GAB1: variants seen among roughly 807,000 people sequenced by gnomAD.
GAB1 encodes the protein GRB2-associated-binding protein 1.
In GAB1, 19 loss-of-function variants were observed where a neutral mutation model predicts 66.5. That is an observed-to-expected ratio of 0.29 (90% CI 0.20 to 0.42). The LOEUF (loss-of-function observed/expected upper bound fraction) is 0.42. Among genes scored for constraint, GAB1 ranks in the 10% least tolerant of loss-of-function variants. The pLI is 1.00. For synonymous variants in GAB1, 294 were observed against 301.4 expected (o/e 0.98, Z 0.25); for missense variants, 732 against 858.5 (o/e 0.85, Z 1.84).
intron 1 of GAB1, among the ~76,000 whole-genome samples, chr4:143,411,790 A>G (rs1732405957): frequency 1.3e-5 from 2 of 152,210 alleles, no homozygotes. Context: ...TGTGCTTTGT[A>G]CCATAATCCA....
rs886180278 is a variant in GAB1 at position 143,439,641 on chromosome 4, G to A, written c.1196-161G>A. ...TCTGCATTTTCTAGTGGTTTAATAT[G>A]CCAATTCAAGACACAGTTCTATGAG... is the stretch of plus-strand genomic sequence containing the variant. On this transcript the variant is annotated intron_variant, in intron 4 of 9. Transcript: ENST00000262994. 9 of 584,150 alleles carry A rather than the reference G, an allele frequency of 1.5e-5. No individual in the cohort carries two copies. The African/African-American group carries it at 1.7e-4, about 11-fold the overall frequency. The allele number at this position is 584,150 out of a possible 1,614,324, so 36.2% of individuals were successfully genotyped here. A position where few individuals can be genotyped will look rare whatever the true frequency, so the allele number is the denominator to read the frequency against.
chr4:143,424,260 A>G (rs910772944), intron 2 of GAB1, among the ~76,000 whole-genome samples: 12 of 152,258 alleles, frequency 7.9e-5, no homozygotes, highest in African/African-American at 2.6e-4. Context: ...ATTCCATTTT[A>G]CCATGCCTGT....
chr4:143,444,683 T>G lies in GAB1; in HGVS notation c.1585+4301T>G, dbSNP rs201803463. ...GTTACCTGTGTATATTGTGCGATGC[T>G]GAGATTTAGGGTATGAATGATCCTG... On this transcript the variant is annotated intron_variant, in intron 6 of 9. Coordinates refer to ENST00000262994, the MANE Select transcript of GAB1 (RefSeq NM_002039.4). Among the ~76,000 whole-genome samples, 9 of 152,290 alleles carry G rather than the reference T, an allele frequency of 5.9e-5. No homozygotes were observed. The East Asian group carries it at 1.7e-3, about 29-fold the overall frequency.
chr4:143,428,360 C>T (rs1271486259), intron 2 of GAB1, among the ~76,000 whole-genome samples: 2 of 152,138 alleles, frequency 1.3e-5, no homozygotes, highest in South Asian at 4.1e-4. Context: ...TTGAGTCCTC[C>T]TCCAACAAGG....
At position 143,459,278 on chromosome 4, in the gene GAB1, T is replaced by C. The variant is rs55735891; in HGVS notation, c.1586-107T>C. 1.1e-3 allele frequency: 788 copies of C among 715,448 alleles called. 2 individuals carry two copies. Among genetic ancestry groups the C allele is most frequent in the Non-Finnish European group, 1.6e-3 (658 of 407,256 alleles). The allele number at this position is 715,448 out of a possible 1,614,324, so 44.3% of individuals were successfully genotyped here. ...TTTCACATGTGAAACTAGGTGGTCT[T>C]AGGTTTACTCTGGCTATCAAATATA... On this transcript the variant is annotated intron_variant, in intron 6 of 9. Coordinates refer to ENST00000262994, the MANE Select transcript of GAB1 (RefSeq NM_002039.4).
At chr4:143,388,989 A>G (rs945761609) in intron 1 of GAB1, among the ~76,000 whole-genome samples, 2 of 152,104 alleles carry the variant, frequency 1.3e-5, no homozygotes, top group African/African-American at 4.8e-5. Flanking sequence ...CCTGCAGGAA[A>G]ACTGCCCAGT....
chr4:143,441,512 G>A (rs1734228449), intron 6 of GAB1, among the ~76,000 whole-genome samples: 1 of 151,962 alleles, frequency 6.6e-6, no homozygotes. Context: ...TAAGAAAAAA[G>A]ATTTGGTTTT....
intron 1 of GAB1, among the ~76,000 whole-genome samples, chr4:143,379,206 A>G (rs1730554260): frequency 6.6e-6 from 1 of 152,238 alleles, no homozygotes; most frequent in Non-Finnish European, 1.5e-5. Context: ...AAAAGGGTTT[A>G]TTAAAGTATT....
At chr4:143,436,102 T>C (rs1163008250) in intron 3 of GAB1, among the ~76,000 whole-genome samples, 1 of 152,198 alleles carries the variant, frequency 6.6e-6, no homozygotes, top group Non-Finnish European at 1.5e-5. Context: ...GCATTAGAAA[T>C]TCCACAAAGG....
intron 1 of GAB1, among the ~76,000 whole-genome samples, chr4:143,353,850 T>C (rs1394754175): frequency 1.3e-5 from 2 of 152,216 alleles, no homozygotes; most frequent in African/African-American, 4.8e-5. Flanking sequence ...CACTATAGTA[T>C]ATTAACTAGC....
chr4:143,375,643 T>C (rs535088845), intron 1 of GAB1, among the ~76,000 whole-genome samples: 1 of 152,344 alleles, frequency 6.6e-6, no homozygotes, highest in Non-Finnish European at 1.5e-5. Flanking sequence ...GCTACCTGTT[T>C]AGGAGTATGA....
intron 2 of GAB1, among the ~76,000 whole-genome samples, chr4:143,416,931 G>A (rs1732724311): frequency 6.6e-6 from 1 of 152,140 alleles, no homozygotes; most frequent in Middle Eastern, 3.2e-3. Context: ...AGGTTATGAA[G>A]TTAGGAAATA....
At chr4:143,373,917 C>T (rs1730298309) in intron 1 of GAB1, among the ~76,000 whole-genome samples, 1 of 132,580 alleles carries the variant, frequency 7.5e-6, no homozygotes, top group East Asian at 2.1e-4. Context: ...AGGGAGTGAC[C>T]TTTCTTTTTC....
intron 1 of GAB1, 103 bp from the exon 2 acceptor site, chr4:143,415,374 T>G (rs1235750957): frequency 2.1e-5 from 19 of 917,810 alleles, no homozygotes; most frequent in Non-Finnish European, 2.7e-5. Context: ...TATTGTGACT[T>G]TCTCTAAACA....
chr4:143,416,724 C>T (rs1191720632), intron 2 of GAB1, among the ~76,000 whole-genome samples: 8 of 151,408 alleles, frequency 5.3e-5, no homozygotes, highest in Admixed American at 5.3e-4. Context: ...CAGTGAGCCA[C>T]AATTGCACCA....
chr4:143,347,618 G>C (rs537284165), intron 1 of GAB1, among the ~76,000 whole-genome samples: 1 of 152,338 alleles, frequency 6.6e-6, no homozygotes, highest in African/African-American at 2.4e-5. Flanking sequence ...AAAAGAAGAG[G>C]ACCAAGTGAA....
In GAB1 at chr4:143,474,547, T is replaced by C. The variant is rs926711472; in HGVS notation, c.*5358T>C. 1.3e-5 allele frequency: 2 copies of C among 152,106 alleles called. No homozygotes were observed. Among genetic ancestry groups the C allele is most frequent in the Non-Finnish European group, 2.9e-5 (2 of 68,026 alleles). The allele number at this position is 152,106 out of a possible 1,614,324, so 9.4% of individuals were successfully genotyped here. On this transcript the variant is annotated 3_prime_UTR_variant, in exon 10 of 10. Transcript: ENST00000262994. ...ACATTTACAATCAGTTGATTTTAAG[T>C]AAAGCAGATTCTCATCCATAATGTT...
At chr4:143,435,425 C>A (rs1471944284) in intron 3 of GAB1, among the ~76,000 whole-genome samples, 1 of 152,124 alleles carries the variant, frequency 6.6e-6, no homozygotes, top group Non-Finnish European at 1.5e-5. Flanking sequence ...CAAAAGTTTA[C>A]AATTATTTTT....
intron 1 of GAB1, among the ~76,000 whole-genome samples, chr4:143,350,577 C>A (rs1464324094): frequency 6.7e-6 from 1 of 150,354 alleles, no homozygotes; most frequent in Non-Finnish European, 1.5e-5. Flanking sequence ...ACTCAGGAGG[C>A]TGAGGCAGGA....
Sources: gnomAD v4.1 joint callset for allele counts (sites outside exome capture counted in the v4.1 genomes callset) on GRCh38, gnomAD v4.1.1 for gene constraint, MANE v1.5 for transcripts, NCBI Gene and HGNC (gene_info 2026-07-23, HGNC 2026-07-21) for gene names.